Variants in EDN1 observed in about 807,000 individuals in gnomAD.
The protein encoded by EDN1 is endothelin-1.
A neutral mutation model predicts 21.7 loss-of-function variants in EDN1; 11 were observed. The observed-to-expected ratio is 0.51, with a 90% CI of 0.32 to 0.84. The LOEUF (loss-of-function observed/expected upper bound fraction) is 0.84. EDN1 is among the 40% of genes least tolerant of loss of function. The probability of loss-of-function intolerance (pLI) is 0.03; values close to 1 mark genes in which losing one functional copy is unlikely to be tolerated. For missense variants in EDN1, 244 were observed against 262.3 expected, an observed-to-expected ratio of 0.93 and a Z score of 0.48; for synonymous variants, 85 against 90.6, an observed-to-expected ratio of 0.94 and a Z score of 0.35.
At chr6:12,247,276 C>A in the EDN1 span, among the ~76,000 whole-genome samples, 4 of 152,074 alleles carry the variant, frequency 2.6e-5, no homozygotes, top group Non-Finnish European at 4.4e-5. Context: ...GCTAAGTGAA[C>A]CTTGGTGTGT....
chr6:12,244,027 T>C, the EDN1 span, among the ~76,000 whole-genome samples: 1 of 152,166 alleles, frequency 6.6e-6, no homozygotes, highest in African/African-American at 2.4e-5. Context: ...CTGATAGATT[T>C]TGTTCTCAGA....
chr6:12,276,932 CAT>C, the EDN1 span, among the ~76,000 whole-genome samples: 1 of 152,152 alleles, frequency 6.6e-6, no homozygotes, highest in Non-Finnish European at 1.5e-5. Context: ...TGAATATAGA[CAT>C]ATGATTATTT....
chr6:12,271,036 C>T, the EDN1 span, among the ~76,000 whole-genome samples: 2,155 of 152,200 alleles, frequency 0.014, 25 homozygotes, highest in East Asian at 0.021. Context: ...GGAATATGAG[C>T]TTCCATCCTT....
chr6:12,259,613 G>A, the EDN1 span, among the ~76,000 whole-genome samples: 3 of 151,722 alleles, frequency 2.0e-5, no homozygotes, highest in Non-Finnish European at 4.4e-5. Flanking sequence ...AAAAATCAAA[G>A]TGATGGAAAG....
upstream of EDN1, among the ~76,000 whole-genome samples, chr6:12,287,710 T>TCACACACA (rs1762579735): frequency 2.7e-4 from 18 of 67,392 alleles, no homozygotes; most frequent in Admixed American, 2.2e-4. Flanking sequence ...TCTCTCTCTC[T>TCACACACA]CTCACACACA....
the EDN1 span, among the ~76,000 whole-genome samples, chr6:12,231,867 C>T: frequency 5.3e-5 from 8 of 151,556 alleles, no homozygotes; most frequent in Non-Finnish European, 5.9e-5. Context: ...AGTCACCTAA[C>T]GGTGATTTTC....
chr6:12,291,226 C>CA, intron 1 of EDN1, among the ~76,000 whole-genome samples: 1 of 105,432 alleles, frequency 9.5e-6, no homozygotes, highest in African/African-American at 2.9e-5. Flanking sequence ...CTCCCCCCCC[C>CA]CCCGCCACCA....
the EDN1 span, among the ~76,000 whole-genome samples, chr6:12,270,847 T>C: frequency 7.9e-5 from 12 of 152,222 alleles, no homozygotes; most frequent in African/African-American, 2.9e-4. Context: ...GTCTGGATGA[T>C]CTGTCCATTG....
chr6:12,288,228 T>A (rs1241874992), upstream of EDN1, among the ~76,000 whole-genome samples: 1 of 147,456 alleles, frequency 6.8e-6, no homozygotes, highest in Non-Finnish European at 1.5e-5. Context: ...TTGGTCAAAG[T>A]TGCCAAAAGG....
At chr6:12,275,884 CGGGCA>C in the EDN1 span, among the ~76,000 whole-genome samples, 83 of 151,846 alleles carry the variant, frequency 5.5e-4, no homozygotes, top group African/African-American at 2.0e-3. Context: ...AGAATCGTGC[CGGGCA>C]TGGTGGCTCA....
chr6:12,271,029 A>G, the EDN1 span, among the ~76,000 whole-genome samples: 31 of 152,116 alleles, frequency 2.0e-4, 1 homozygote, highest in Non-Finnish European at 1.0e-4. Context: ...TTTGCATGGA[A>G]TATGAGCTTC....
the EDN1 span, among the ~76,000 whole-genome samples, chr6:12,247,664 A>G: frequency 6.7e-6 from 1 of 149,800 alleles, no homozygotes; most frequent in Non-Finnish European, 1.5e-5. Context: ...TCAATCTCCT[A>G]AGTAGCTGGG....
the EDN1 span, among the ~76,000 whole-genome samples, chr6:12,242,013 A>C: frequency 6.6e-6 from 1 of 152,218 alleles, no homozygotes; most frequent in Non-Finnish European, 1.5e-5. Flanking sequence ...GTAATAGGCT[A>C]TGCATTAATG....
chr6:12,239,023 C>T, the EDN1 span, among the ~76,000 whole-genome samples: 1 of 152,232 alleles, frequency 6.6e-6, no homozygotes, highest in African/African-American at 2.4e-5. Flanking sequence ...GCAACTTCTT[C>T]AGTATAAATT....
At position 12,292,507 on chromosome 6, in the gene EDN1, CGAGT is replaced by C; in HGVS notation, c.232_233+2del. 2 of 1,614,164 alleles carry C rather than the reference CGAGT, an allele frequency of 1.2e-6. No homozygotes were observed. The highest frequency in any genetic ancestry group is 1.7e-6 in the Non-Finnish European group (2 of 1,180,008). On this transcript the variant is annotated splice_donor_variant and coding_sequence_variant, in exon 2 of 5. Transcript: ENST00000379375. LOFTEE classifies it high-confidence loss of function. ...TGGACATCATTTGGGTCAACACTCC[CGAGT>C]AAGTCTCTAGAGGGCATTGTAACCC...
At chr6:12,265,954 A>G in the EDN1 span, among the ~76,000 whole-genome samples, 18 of 152,218 alleles carry the variant, frequency 1.2e-4, no homozygotes, top group African/African-American at 3.9e-4. Flanking sequence ...TTATTTCCCA[A>G]TGACTCAGAG....
the EDN1 span, among the ~76,000 whole-genome samples, chr6:12,277,540 A>C: frequency 6.6e-6 from 1 of 152,264 alleles, no homozygotes; most frequent in East Asian, 1.9e-4. Context: ...GGGAGTCGTC[A>C]GTTCATAAAG....
At chr6:12,264,620 T>TA in the EDN1 span, among the ~76,000 whole-genome samples, 8 of 151,958 alleles carry the variant, frequency 5.3e-5, no homozygotes, top group East Asian at 1.2e-3. Context: ...GCTGAGGAGC[T>TA]AAAAAAAATT....
At chr6:12,253,693 T>C in the EDN1 span, among the ~76,000 whole-genome samples, 1 of 152,076 alleles carries the variant, frequency 6.6e-6, no homozygotes, top group Non-Finnish European at 1.5e-5. Flanking sequence ...GAATAACTCA[T>C]ACTACTACTA....
Sources: allele counts gnomAD v4.1 joint callset (sites outside exome capture counted in the v4.1 genomes callset), GRCh38; gene constraint gnomAD v4.1.1; transcripts MANE v1.5; gene names NCBI Gene and HGNC (gene_info 2026-07-23, HGNC 2026-07-21).